Variants in KCTD1 observed in about 807,000 individuals in gnomAD.
KCTD1 encodes the protein potassium channel tetramerization domain containing 1.
KCTD1 carries 24 observed loss-of-function variants against 66.0 expected under a neutral mutation model. That is an observed-to-expected ratio of 0.36 (90% CI 0.26 to 0.51). KCTD1 has a LOEUF of 0.51. Ranked by LOEUF, KCTD1 falls within the 20% of genes least tolerant of loss-of-function variation. The pLI, the probability that KCTD1 is intolerant of heterozygous loss-of-function variation, is 0.95. For missense variants in KCTD1, 943 were observed against 1,205.2 expected, an observed-to-expected ratio of 0.78 and a Z score of 3.22; for synonymous variants, 511 against 517.2, an observed-to-expected ratio of 0.99 and a Z score of 0.16.
intron 1 of KCTD1, chr18:26,581,264 T>C (rs1371893880): frequency 6.6e-6 from 1 of 152,236 alleles, no homozygotes; most frequent in Non-Finnish European, 1.5e-5. Context: ...TTTTTGTTTT[T>C]AGAGATGGGG....
intron 3 of KCTD1, among the ~76,000 whole-genome samples, chr18:26,466,845 G>A (rs956532049): frequency 1.3e-5 from 2 of 152,178 alleles, no homozygotes; most frequent in Non-Finnish European, 2.9e-5. Context: ...CAGTTTACAG[G>A]AAATTAAGGG....
At chr18:26,646,484 G>A (rs549324276) in intron 1 of KCTD1, among the ~76,000 whole-genome samples, 2 of 152,288 alleles carry the variant, frequency 1.3e-5, no homozygotes, top group African/African-American at 2.4e-5. Context: ...ATTTTCAGGT[G>A]TTAAAAATGT....
At chr18:26,497,753 G>A (rs1337583206) in intron 2 of KCTD1, among the ~76,000 whole-genome samples, 2 of 152,196 alleles carry the variant, frequency 1.3e-5, no homozygotes, top group Non-Finnish European at 1.5e-5. Flanking sequence ...TGAAACAGAA[G>A]TTACTTTGTA....
intron 2 of KCTD1, among the ~76,000 whole-genome samples, chr18:26,487,150 T>C (rs1198052999): frequency 6.6e-6 from 1 of 152,146 alleles, no homozygotes; most frequent in East Asian, 1.9e-4. Flanking sequence ...TCTTCAAATA[T>C]CTACAGTATT....
chr18:26,484,756 A>C (rs1981829636), intron 2 of KCTD1, among the ~76,000 whole-genome samples: 2 of 152,084 alleles, frequency 1.3e-5, no homozygotes, highest in African/African-American at 4.8e-5. Flanking sequence ...GACAGAGGAG[A>C]GGGAACCAGC....
At chr18:26,458,717 C>T (rs1401713076) in intron 4 of KCTD1, 1 of 152,286 alleles carries the variant, frequency 6.6e-6, no homozygotes, top group Admixed American at 6.5e-5. Flanking sequence ...TCACCCAGTT[C>T]CTCTGTCAAA....
chr18:26,499,139 C>T (rs1982628732), intron 2 of KCTD1, among the ~76,000 whole-genome samples: 1 of 152,164 alleles, frequency 6.6e-6, no homozygotes, highest in African/African-American at 2.4e-5. Flanking sequence ...GAAACTGAAG[C>T]AAAAGGCCAT....
At chr18:26,573,191 T>C (rs1257318852) in intron 1 of KCTD1, among the ~76,000 whole-genome samples, 1 of 152,090 alleles carries the variant, frequency 6.6e-6, no homozygotes, top group Non-Finnish European at 1.5e-5. Flanking sequence ...CACTATATAG[T>C]GAGGTACCTG....
intron 1 of KCTD1, among the ~76,000 whole-genome samples, chr18:26,567,238 T>A (rs1214589307): frequency 1.3e-5 from 2 of 152,208 alleles, no homozygotes; most frequent in Non-Finnish European, 2.9e-5. Flanking sequence ...TACCTTCAGA[T>A]AAGAAATCCC....
At position 26,547,289 on chromosome 18, in the gene KCTD1, G is replaced by A; in HGVS notation, c.1248C>T (p.Gly416=). 6.4e-7 allele frequency: 1 copy of A among 1,551,702 alleles called. No individual in the cohort carries two copies. Among genetic ancestry groups the A allele is most frequent in the Non-Finnish European group, 8.7e-7 (1 of 1,146,978 alleles). The change falls in exon 1 of 5, where the codon GGC becomes GGT. Residue 416 remains glycine, a synonymous_variant. Transcript: ENST00000580059. The part of the protein sequence containing the change: ...FQRPRDHCSE[G]DVTWYENKAI... The stretch of plus-strand genomic sequence containing the variant: ...CTTTGTTCTCGTACCAGGTCACATC[G>A]CCCTCGCTGCAGTGGTCCCGGGGCC...
chr18:26,559,651 C>G (rs935986232), intron 1 of KCTD1, among the ~76,000 whole-genome samples: 1 of 152,124 alleles, frequency 6.6e-6, no homozygotes, highest in Non-Finnish European at 1.5e-5. Context: ...CTCTCTGGGT[C>G]AATTCAGGAG....
chr18:26,621,953 C>T (rs1164597390), intron 1 of KCTD1, among the ~76,000 whole-genome samples: 1 of 152,192 alleles, frequency 6.6e-6, no homozygotes, highest in African/African-American at 2.4e-5. Context: ...TTGACCTCCA[C>T]TTCTGCAGTG....
chr18:26,487,399 A>G (rs960817144), intron 2 of KCTD1, among the ~76,000 whole-genome samples: 3 of 151,234 alleles, frequency 2.0e-5, no homozygotes, highest in Non-Finnish European at 4.4e-5. Flanking sequence ...GAATCTATCA[A>G]AAGTCCATAT....
At chr18:26,623,075 G>T (rs1049222023) in intron 1 of KCTD1, among the ~76,000 whole-genome samples, 1 of 151,764 alleles carries the variant, frequency 6.6e-6, no homozygotes, top group Non-Finnish European at 1.5e-5. Context: ...GTCTGGTCTC[G>T]GCCTTCACCT....
At position 26,652,147 on chromosome 18, in the gene KCTD1, C is replaced by T. The variant is rs527510720; in HGVS notation, c.9+5213G>A. On this transcript the variant is annotated intron_variant, in intron 1 of 4. Transcript: ENST00000580191. ...TGGGGTGGCTCCTCCAGAGAAAGTG[C>T]CCTTTGGGGTTGATTGATACTACTT... Among the ~76,000 whole-genome samples the T allele has an allele frequency of 6.1e-4, 93 of 152,200 alleles. 3 individuals are homozygous for T. The South Asian group carries it at 0.019, about 31-fold the overall frequency.
At chr18:26,585,626 C>T (rs2144932635) in intron 1 of KCTD1, among the ~76,000 whole-genome samples, 1 of 152,270 alleles carries the variant, frequency 6.6e-6, no homozygotes, top group South Asian at 2.1e-4. Context: ...GGATTTCATT[C>T]AGTTTAATGG....
intron 4 of KCTD1, chr18:26,459,003 T>C (rs1375364541): frequency 6.6e-6 from 1 of 152,250 alleles, no homozygotes; most frequent in African/African-American, 2.4e-5. Flanking sequence ...GATGCCAAAA[T>C]AAACAATCCT....
At chr18:26,517,032 T>G (rs1235372119) in intron 1 of KCTD1, among the ~76,000 whole-genome samples, 2 of 152,206 alleles carry the variant, frequency 1.3e-5, no homozygotes, top group African/African-American at 2.4e-5. Context: ...ACAGAAACAC[T>G]GATGCAGTCA....
chr18:26,614,632 G>T (rs1726522439), intron 1 of KCTD1, among the ~76,000 whole-genome samples: 2 of 152,172 alleles, frequency 1.3e-5, no homozygotes, highest in African/African-American at 4.8e-5. Flanking sequence ...AGGCAAGAAA[G>T]GAGACTTGGG....
Sources: allele counts gnomAD v4.1 joint callset (sites outside exome capture counted in the v4.1 genomes callset), GRCh38; gene constraint gnomAD v4.1.1; transcripts MANE v1.5; gene names NCBI Gene and HGNC (gene_info 2026-07-23, HGNC 2026-07-21).